The following MALT1 variants were observed in gnomAD, a reference collection of about 807,000 sequenced individuals.
MALT1 encodes MALT1 paracaspase.
Under a neutral mutation model 85.5 loss-of-function variants are expected in MALT1, and 36 were observed. The ratio of observed to expected loss-of-function variants is 0.42; its 90% CI spans 0.32 to 0.56. MALT1 has a LOEUF of 0.56. Ranked by LOEUF, MALT1 falls within the 20% of genes least tolerant of loss-of-function variation. The pLI, the probability that MALT1 is intolerant of heterozygous loss-of-function variation, is 0.10. For missense variants in MALT1, 716 were observed against 981.6 expected, an observed-to-expected ratio of 0.73 and a Z score of 3.62; for synonymous variants, 359 against 361.3, an observed-to-expected ratio of 0.99 and a Z score of 0.07.
At chr18:58,685,622 A>G (rs1241560358) in intron 2 of MALT1, among the ~76,000 whole-genome samples, 1 of 152,198 alleles carries the variant, frequency 6.6e-6, no homozygotes, top group East Asian at 1.9e-4. Flanking sequence ...ATAATTTTAT[A>G]TATTTTGTGA....
intron 4 of MALT1, 57 bp from the exon 5 acceptor site, chr18:58,709,321 A>T: frequency 3.3e-6 from 4 of 1,198,754 alleles, no homozygotes; most frequent in Non-Finnish European, 4.6e-6. Flanking sequence ...CTTTAATTAT[A>T]GGGAAATTTT....
rs902672610 is a variant in MALT1, at chr18:58,710,802, T to A, written c.926-119T>A. 3.0e-5 allele frequency: 19 copies of A among 643,548 alleles called. No individual in the cohort carries two copies. The African/African-American group carries it at 3.8e-4, about 13-fold the overall frequency. 39.9% of individuals were successfully genotyped at this position (643,548 alleles called of 1,614,324 possible). A position where few individuals can be genotyped will look rare whatever the true frequency, so the allele number is the denominator to read the frequency against. On this transcript the variant is annotated intron_variant, in intron 6 of 16. Transcript: ENST00000649217. Reference sequence around the variant, plus strand: ...TTATATTGTTCATAGTTGGAGGTATTGATGCATGTGTTGGTTTGCCAACAT... The same window carrying A: ...TTATATTGTTCATAGTTGGAGGTATAGATGCATGTGTTGGTTTGCCAACAT...
At chr18:58,732,603 A>G (rs1740039603) in intron 10 of MALT1, among the ~76,000 whole-genome samples, 1 of 152,110 alleles carries the variant, frequency 6.6e-6, no homozygotes, top group African/African-American at 2.4e-5. Context: ...TGCAGTTGCT[A>G]TTCATCTGAA....
At position 58,674,622 on chromosome 18, in the gene MALT1, A is replaced by C. The variant is rs956805557; in HGVS notation, c.209+2770A>C. ...GACAGTGAAGCAAGGTCAGCTGGGG[A>C]TGCTTACTCTATTTAAGACAAAAAA... On this transcript the variant is annotated intron_variant, in intron 1 of 16. Transcript: ENST00000649217. Among the ~76,000 whole-genome samples the C allele has an allele frequency of 2.0e-5, 3 of 152,176 alleles. No homozygotes were observed. In the South Asian group the frequency reaches 6.2e-4, roughly 31 times the overall value.
chr18:58,740,568 A>G lies in MALT1; in HGVS notation c.1604-1297A>G, dbSNP rs114874075. Among the ~76,000 whole-genome samples the G allele has an allele frequency of 6.6e-3, 1,002 of 151,756 alleles. 13 individuals are homozygous for G. The highest frequency in any genetic ancestry group is 0.023 in the African/African-American group (971 of 41,382). On this transcript the variant is annotated intron_variant, in intron 13 of 16. Coordinates refer to ENST00000649217, the MANE Select transcript of MALT1 (RefSeq NM_006785.4). The stretch of plus-strand genomic sequence containing the variant: ...TCTTTAATTTTCAAATATGGCAGGA[A>G]TTTTCATTTCACTTTTTGCTTTTTA...
rs772241691 is a variant in MALT1, at chr18:58,681,190, G to C, written c.230G>C (p.Cys77Ser). 6.2e-7 allele frequency: 1 copy of C among 1,613,880 alleles called. No individual in the cohort carries two copies. Among genetic ancestry groups the C allele is most frequent in the East Asian group, 2.2e-5 (1 of 44,878 alleles). ...LRLSCLDLEQCSLKVLEPEGS... is the reference protein window; with the variant it reads ...LRLSCLDLEQSSLKVLEPEGS... ...TTCAGTTGCCTAGACCTGGAGCAGT[G>C]TTCTCTTAAGGTACTGGAGCCTGAA... Residue 77 changes from cysteine (C) to serine (S), a missense_variant, in exon 2 of 17, where the codon TGT becomes TCT. This residue lies in a region of MALT1 where 290 missense variants were observed against 380.5 expected (regional missense o/e 0.76). Coordinates refer to ENST00000649217, the MANE Select transcript of MALT1 (RefSeq NM_006785.4).
At chr18:58,680,291 G>A (rs1252451727) in intron 1 of MALT1, among the ~76,000 whole-genome samples, 1 of 151,982 alleles carries the variant, frequency 6.6e-6, no homozygotes, top group African/African-American at 2.4e-5. Context: ...AATACAAATA[G>A]TAGTGTATTA....
At chr18:58,719,486 G>A (rs2054953139) in intron 9 of MALT1, among the ~76,000 whole-genome samples, 1 of 151,972 alleles carries the variant, frequency 6.6e-6, no homozygotes, top group Non-Finnish European at 1.5e-5. Flanking sequence ...TCTCCATGTA[G>A]CTGTTTTCTT....
At chr18:58,678,442 G>A (rs2054272502) in intron 1 of MALT1, among the ~76,000 whole-genome samples, 1 of 151,978 alleles carries the variant, frequency 6.6e-6, no homozygotes, top group South Asian at 2.1e-4. Flanking sequence ...AGGTATTGAG[G>A]GATTTTATGT....
intron 13 of MALT1, among the ~76,000 whole-genome samples, chr18:58,736,416 C>G (rs2055221834): frequency 6.7e-6 from 1 of 148,356 alleles, no homozygotes; most frequent in African/African-American, 2.5e-5. Flanking sequence ...CTGAAGCTTA[C>G]ATTTGAAGGA....
At chr18:58,713,060 ATAAC>A (rs1363081194) in intron 7 of MALT1, among the ~76,000 whole-genome samples, 2 of 152,152 alleles carry the variant, frequency 1.3e-5, no homozygotes, top group Non-Finnish European at 2.9e-5. Flanking sequence ...ACTGACCTAA[ATAAC>A]TAAGTAACTG....
intron 10 of MALT1, among the ~76,000 whole-genome samples, chr18:58,729,264 C>T (rs1387774933): frequency 6.6e-6 from 1 of 151,942 alleles, no homozygotes; most frequent in African/African-American, 2.4e-5. Flanking sequence ...CCGAGGCAGG[C>T]AGATCACCTG....
rs1482275492 is a variant in MALT1 at position 58,750,571 on chromosome 18, TAAAC to T, written c.*2730_*2733del. 1 of 152,132 alleles carries T rather than the reference TAAAC, an allele frequency of 6.6e-6. No homozygotes were observed. The highest frequency in any genetic ancestry group is 2.4e-5 in the African/African-American group (1 of 41,436). The allele number at this position is 152,132 out of a possible 1,614,324, so 9.4% of individuals were successfully genotyped here. ...AGGAATGGAACTGAACATCCAGAAATAAACCCATACATTTCTGGTCAACTTGTTT... is the reference window on the plus strand; with the variant it reads ...AGGAATGGAACTGAACATCCAGAAATCCATACATTTCTGGTCAACTTGTTT... On this transcript the variant is annotated 3_prime_UTR_variant, in exon 17 of 17. Transcript: ENST00000649217.
At chr18:58,707,465 G>T (rs946231276) in intron 4 of MALT1, among the ~76,000 whole-genome samples, 3 of 151,094 alleles carry the variant, frequency 2.0e-5, no homozygotes, top group Non-Finnish European at 2.9e-5. Flanking sequence ...TGGGATACGT[G>T]TACAGAACGT....
intron 2 of MALT1, among the ~76,000 whole-genome samples, chr18:58,684,794 G>T (rs2054376701): frequency 1.3e-5 from 2 of 152,110 alleles, no homozygotes. Flanking sequence ...AAGAATTACA[G>T]AGAAGAATTT....
intron 6 of MALT1, among the ~76,000 whole-genome samples, chr18:58,710,376 A>T (rs566665378): frequency 6.6e-6 from 1 of 152,168 alleles, no homozygotes; most frequent in Non-Finnish European, 1.5e-5. Flanking sequence ...GCTACAAAAA[A>T]CTTGATTCAG....
At chr18:58,716,798 A>C (rs1016327775) in intron 9 of MALT1, among the ~76,000 whole-genome samples, 5 of 152,192 alleles carry the variant, frequency 3.3e-5, no homozygotes, top group Non-Finnish European at 7.3e-5. Context: ...GGATATTTAC[A>C]TTTGGAAAGG....
At chr18:58,694,954 G>T (rs2054566163) in intron 2 of MALT1, among the ~76,000 whole-genome samples, 1 of 152,184 alleles carries the variant, frequency 6.6e-6, no homozygotes, top group Admixed American at 6.5e-5. Flanking sequence ...ATCTTATCTT[G>T]AATTCCCATG....
intron 12 of MALT1, 23 bp downstream of exon 12, chr18:58,734,404 T>C (rs1037155213): frequency 4.4e-6 from 7 of 1,590,526 alleles, no homozygotes; most frequent in Admixed American, 1.7e-5. Flanking sequence ...GATGTTTACG[T>C]TGAAGTTTCC....
Sources: allele counts gnomAD v4.1 joint callset (sites outside exome capture counted in the v4.1 genomes callset), GRCh38; gene constraint gnomAD v4.1.1; regional missense constraint gnomAD v4.1.1; transcripts MANE v1.5; gene names NCBI Gene and HGNC (gene_info 2026-07-23, HGNC 2026-07-21).